C3orf52: variants seen among roughly 807,000 people sequenced by gnomAD.
C3orf52 encodes the protein chromosome 3 open reading frame 52.
A neutral mutation model predicts 24.8 loss-of-function variants in C3orf52; 22 were observed. That is an observed-to-expected ratio of 0.89 (90% CI 0.63 to 1.27). The LOEUF (loss-of-function observed/expected upper bound fraction) is 1.27. Ranked by LOEUF, C3orf52 falls within the 50% of genes most tolerant of loss-of-function variation. The pLI, the probability that C3orf52 is intolerant of heterozygous loss-of-function variation, is 0.00. For missense variants in C3orf52, 265 were observed against 260.7 expected (o/e 1.02, Z -0.11); for synonymous variants, 93 against 100.2 (o/e 0.93, Z 0.43).
Position 112,125,377 on chromosome 3 carries a change from C to T in C3orf52, c.*47-2856C>T, listed in dbSNP as rs956386791. The T allele has an allele frequency of 1.2e-5, 8 of 689,416 alleles. No individual in the cohort carries two copies. In the Middle Eastern group the frequency reaches 7.9e-4, roughly 68 times the overall value. The allele number at this position is 689,416 out of a possible 1,614,324, so 42.7% of individuals were successfully genotyped here. A position where few individuals can be genotyped will look rare whatever the true frequency, so the allele number is the denominator to read the frequency against. ...AACAGCTGGGGTAGCTCTTCTCAGG[C>T]TATTCTGATCTACAGCACATCCCTG... On this transcript the variant is annotated intron_variant, in intron 4 of 4. Transcript: ENST00000480282.
chr3:112,100,022 A>G (rs1301002471), intron 2 of C3orf52, among the ~76,000 whole-genome samples: 1 of 152,148 alleles, frequency 6.6e-6, no homozygotes, highest in Non-Finnish European at 1.5e-5. Flanking sequence ...GCTGCCTTTA[A>G]AGCCAGCTCT....
chr3:112,087,440 G>A (rs1354059274), intron 1 of C3orf52, among the ~76,000 whole-genome samples: 1 of 152,018 alleles, frequency 6.6e-6, no homozygotes, highest in Non-Finnish European at 1.5e-5. Context: ...CCTAAGATTG[G>A]CTTGAGGTTT....
downstream of C3orf52, chr3:112,132,699 C>A: frequency 1.0e-6 from 1 of 987,614 alleles, no homozygotes; most frequent in Non-Finnish European, 1.2e-6. Context: ...CTGTTTATTT[C>A]AAACTTAAAA....
chr3:112,123,295 G>T (rs540124732), intron 4 of C3orf52: 7 of 1,376,586 alleles, frequency 5.1e-6, no homozygotes, highest in Non-Finnish European at 6.7e-6. Context: ...TGGCTTTTGC[G>T]TGCTAAGAGG....
At chr3:112,094,724 G>A (rs781441342) in intron 2 of C3orf52, among the ~76,000 whole-genome samples, 13 of 152,102 alleles carry the variant, frequency 8.5e-5, no homozygotes, top group Admixed American at 3.9e-4. Flanking sequence ...ATTAGTATTC[G>A]TTAAAGTTTT....
chr3:112,112,786 T>C (rs770109525), intron 4 of C3orf52, 178 bp from the exon 5 acceptor site: 2 of 687,178 alleles, frequency 2.9e-6, no homozygotes, highest in African/African-American at 1.8e-5. Flanking sequence ...CTTTTTGTGA[T>C]GAATCTATGG....
At chr3:112,124,570 T>C (rs1362963471) in intron 4 of C3orf52, among the ~76,000 whole-genome samples, 3 of 152,148 alleles carry the variant, frequency 2.0e-5, no homozygotes, top group Non-Finnish European at 4.4e-5. Flanking sequence ...ATCGTGCCAT[T>C]GCACTCCAGC....
downstream of C3orf52, chr3:112,122,591 C>T (rs1435322303): frequency 6.6e-6 from 1 of 152,188 alleles, no homozygotes; most frequent in East Asian, 1.9e-4. Context: ...TAAATATATA[C>T]ATTTAGTATA....
chr3:112,086,658 G>T (rs1326222648), intron 1 of C3orf52, 113 bp downstream of exon 1: 2 of 1,352,782 alleles, frequency 1.5e-6, no homozygotes, highest in East Asian at 5.1e-5. Context: ...CGACGGCGCC[G>T]AGCGAGGGTG....
In C3orf52 at chr3:112,086,396, C is replaced by A. The variant is rs1464710406; in HGVS notation, c.-12C>A. 6.5e-7 allele frequency: 1 copy of A among 1,535,574 alleles called. No individual in the cohort carries two copies. Among genetic ancestry groups the A allele is most frequent in the Non-Finnish European group, 8.8e-7 (1 of 1,136,524 alleles). Reference sequence around the variant, plus strand: ...CCTCCCGCGGAGCCGCTCAGACTTTCCCTGCCGGCACATGGACCTGGCCCA... The same window carrying A: ...CCTCCCGCGGAGCCGCTCAGACTTTACCTGCCGGCACATGGACCTGGCCCA... On this transcript the variant is annotated 5_prime_UTR_variant, in exon 1 of 6. Coordinates refer to ENST00000264848, the MANE Select transcript of C3orf52 (RefSeq NM_024616.3).
chr3:112,131,455 C>T (rs1332144642), downstream of C3orf52, among the ~76,000 whole-genome samples: 1 of 152,108 alleles, frequency 6.6e-6, no homozygotes, highest in African/African-American at 2.4e-5. Flanking sequence ...ATATACAAGA[C>T]TTTTGAATAC....
downstream of C3orf52, chr3:112,119,409 AGG>A: frequency 5.7e-6 from 4 of 699,090 alleles, no homozygotes; most frequent in South Asian, 6.0e-5. Flanking sequence ...CAGAAACAGT[AGG>A]GTTGCGGGTG....
In C3orf52 at chr3:112,110,070, C is replaced by T. The variant is rs373176057; in HGVS notation, c.467+457C>T. Among the ~76,000 whole-genome samples, 514 of 152,322 alleles carry T rather than the reference C, an allele frequency of 3.4e-3. 1 individual carries two copies. Among genetic ancestry groups the T allele is most frequent in the African/African-American group, 0.011 (461 of 41,578 alleles). On this transcript the variant is annotated intron_variant, in intron 4 of 5. Coordinates refer to ENST00000264848, the MANE Select transcript of C3orf52 (RefSeq NM_024616.3). Reference sequence around the variant, plus strand: ...AGGGGCCGGGCGTGGTAGCTCACGCCTGTAATCCCAGCACTTTGCGAGGCC... The same window carrying T: ...AGGGGCCGGGCGTGGTAGCTCACGCTTGTAATCCCAGCACTTTGCGAGGCC...
chr3:112,091,775 C>A (rs769747399), intron 1 of C3orf52, among the ~76,000 whole-genome samples: 1 of 152,076 alleles, frequency 6.6e-6, no homozygotes, highest in African/African-American at 2.4e-5. Context: ...GAGGTTGAGG[C>A]GGGAGGATCA....
intron 1 of C3orf52, among the ~76,000 whole-genome samples, chr3:112,089,524 C>T (rs866706329): frequency 3.4e-3 from 234 of 69,772 alleles, no homozygotes; most frequent in Non-Finnish European, 5.5e-3. Context: ...AGTGAAACTT[C>T]GTCTCAAAAA....
chr3:112,101,719 T>G (rs1176058785), intron 2 of C3orf52, among the ~76,000 whole-genome samples: 3 of 152,172 alleles, frequency 2.0e-5, no homozygotes, highest in Admixed American at 1.3e-4. Flanking sequence ...TCTTCCTCCT[T>G]TTTACCTGTC....
At chr3:112,135,990 G>A (rs977056542), downstream of C3orf52, among the ~76,000 whole-genome samples, 13 of 152,096 alleles carry the variant, frequency 8.5e-5, no homozygotes, top group East Asian at 2.5e-3. Flanking sequence ...TTATCTCAGA[G>A]CACACACCCT....
At chr3:112,120,356 A>G (rs1321299589), downstream of C3orf52, among the ~76,000 whole-genome samples, 1 of 152,214 alleles carries the variant, frequency 6.6e-6, no homozygotes, top group Non-Finnish European at 1.5e-5. Flanking sequence ...TATCCGAAGC[A>G]TCTATCACTC....
At chr3:112,093,273 A>G in intron 1 of C3orf52, 87 bp from the exon 2 acceptor site, 1 of 1,451,020 alleles carries the variant, frequency 6.9e-7, no homozygotes, top group South Asian at 1.3e-5. Context: ...TGCTGCCTTC[A>G]TTTCTGTGTC....
Sources: allele counts gnomAD v4.1 joint callset (sites outside exome capture counted in the v4.1 genomes callset), GRCh38; gene constraint gnomAD v4.1.1; transcripts MANE v1.5; gene names NCBI Gene and HGNC (gene_info 2026-07-23, HGNC 2026-07-21).